The following SH3BGR variants were observed in gnomAD, a reference collection of about 807,000 sequenced individuals.
SH3BGR encodes SH3 domain-binding glutamic acid-rich protein.
In SH3BGR, 29 loss-of-function variants were observed where a neutral mutation model predicts 24.5. That is an observed-to-expected ratio of 1.18 (90% CI 0.88 to 1.61). The LOEUF is 1.61. Among genes scored for constraint, SH3BGR ranks in the 40% most tolerant of loss-of-function variants. The pLI, the probability that SH3BGR is intolerant of heterozygous loss-of-function variation, is 0.00. For synonymous variants in SH3BGR, 55 were observed against 65.7 expected (o/e 0.84, Z 0.79); for missense variants, 162 against 205.8 (o/e 0.79, Z 1.30).
At chr21:39,456,827 G>C (rs1046555542) in intron 1 of SH3BGR, among the ~76,000 whole-genome samples, 22 of 152,058 alleles carry the variant, frequency 1.4e-4, no homozygotes, top group Non-Finnish European at 2.9e-4. Flanking sequence ...CAGTACCTTT[G>C]TTGGCCTGAG....
intron 3 of SH3BGR, among the ~76,000 whole-genome samples, chr21:39,496,356 C>T (rs113907037): frequency 0.011 from 1,703 of 151,662 alleles, 14 homozygotes; most frequent in Non-Finnish European, 0.017. Flanking sequence ...AAAAATTAGC[C>T]GGGTGCGGTG....
chr21:39,450,396 G>A (rs1287800775), upstream of SH3BGR, among the ~76,000 whole-genome samples: 2 of 152,162 alleles, frequency 1.3e-5, no homozygotes, highest in African/African-American at 2.4e-5. Flanking sequence ...GCATTTAAGC[G>A]ATATTCCAGG....
chr21:39,499,764 G>GTTTTTTTTTTTTTTTT, intron 3 of SH3BGR, 59 bp from the exon 4 acceptor site: 1 of 1,041,764 alleles, frequency 9.6e-7, no homozygotes. Context: ...TATGTGGCCT[G>GTTTTTTTTTTTTTTTT]TTTTTTTTTT....
intron 3 of SH3BGR, among the ~76,000 whole-genome samples, chr21:39,493,521 T>A (rs1454213232): frequency 6.6e-6 from 1 of 152,226 alleles, no homozygotes; most frequent in Non-Finnish European, 1.5e-5. Flanking sequence ...ACTATGGCCT[T>A]ATACTATAGT....
rs2078463442 is a variant in SH3BGR, at chr21:39,499,825, A to C, written c.315A>C (p.Gly105=). Residue 105 remains glycine (G), a splice_region_variant and synonymous_variant, in exon 4 of 7, where the codon GGA becomes GGC. Coordinates refer to ENST00000333634, the MANE Select transcript of SH3BGR (RefSeq NM_007341.3). The part of the protein sequence containing the change: ...LGLAPPPDSK[G]SEKAEEGGET... Reference sequence around the variant, plus strand: ...TCCTGGGTTTCCTTTATGACCAGGGATCAGAGAAGGCTGAAGAAGGTGGAG... The same window carrying C: ...TCCTGGGTTTCCTTTATGACCAGGGCTCAGAGAAGGCTGAAGAAGGTGGAG... 1 of 1,611,200 alleles carries C rather than the reference A, an allele frequency of 6.2e-7. No homozygotes were observed. The highest frequency in any genetic ancestry group is 1.3e-5 in the African/African-American group (1 of 74,460).
At chr21:39,473,907 A>G (rs973947112) in intron 2 of SH3BGR, among the ~76,000 whole-genome samples, 1 of 151,546 alleles carries the variant, frequency 6.6e-6, no homozygotes, top group African/African-American at 2.4e-5. Flanking sequence ...AAAAAACAGT[A>G]ACACACAGGA....
At chr21:39,505,632 G>A (rs903813229) in intron 4 of SH3BGR, among the ~76,000 whole-genome samples, 10 of 152,152 alleles carry the variant, frequency 6.6e-5, no homozygotes, top group African/African-American at 2.4e-4. Context: ...GGGTGTGGTA[G>A]CGGGTGCCTG....
chr21:39,510,399 A>G (rs2078661931), intron 5 of SH3BGR, among the ~76,000 whole-genome samples: 5 of 44,470 alleles, frequency 1.1e-4, no homozygotes, highest in African/African-American at 4.0e-4. Flanking sequence ...CACTGTAGCT[A>G]CACACACACA....
chr21:39,511,707 G>T lies in SH3BGR; in HGVS notation c.463G>T (p.Glu155Ter). ...GGAAGAAATAGCCATGGAGGGTGCG[G>T]AAGGGGAAGCCGAGGAGGAGGAAGA... ...ETEEIAMEGA[E>*]GEAEEEEETA... The change falls in exon 6 of 7, where the codon GAA (glutamate) becomes TAA (stop). Residue 155 changes from glutamate to a stop codon, truncating the protein, a stop_gained. Transcript: ENST00000333634. LOFTEE classifies it high-confidence loss of function. This position sits in a 1 kb window ranked among gnomAD's most constrained non-coding sequence, Gnocchi z 4.2. 6.2e-7 allele frequency: 1 copy of T among 1,609,610 alleles called. No homozygotes were observed. Among genetic ancestry groups the T allele is most frequent in the Non-Finnish European group, 8.5e-7 (1 of 1,178,900 alleles).
At chr21:39,461,809 G>A (rs907694889) in intron 1 of SH3BGR, among the ~76,000 whole-genome samples, 5 of 151,966 alleles carry the variant, frequency 3.3e-5, no homozygotes, top group Admixed American at 6.6e-5. Context: ...CCCAAATTTA[G>A]TTTTAACAGT....
Position 39,511,484 on chromosome 21 carries a change from G to T in SH3BGR, c.436-196G>T, listed in dbSNP as rs1043787773. Among the ~76,000 whole-genome samples the T allele has an allele frequency of 1.3e-5, 2 of 150,290 alleles. No homozygotes were observed. Among genetic ancestry groups the T allele is most frequent in the African/African-American group, 4.9e-5 (2 of 40,786 alleles). ...GTGTGTGTGTGTTTGGGCGGTATGT[G>T]TGTGGGGTGTGTGTGTGGCATGTGT... On this transcript the variant is annotated intron_variant, in intron 5 of 6. Transcript: ENST00000333634. This position sits in a 1 kb window ranked among gnomAD's most constrained non-coding sequence, Gnocchi z 4.2.
At chr21:39,490,874 A>G (rs1170932759) in intron 3 of SH3BGR, among the ~76,000 whole-genome samples, 1 of 152,010 alleles carries the variant, frequency 6.6e-6, no homozygotes, top group Non-Finnish European at 1.5e-5. Flanking sequence ...CTGGGACTAC[A>G]GGCATGCACC....
At chr21:39,460,520 C>T (rs34145284) in intron 1 of SH3BGR, among the ~76,000 whole-genome samples, 19,642 of 151,978 alleles carry the variant, frequency 0.13, 1,663 homozygotes, top group South Asian at 0.17. Context: ...CTCACTCTGT[C>T]GCCCAGGCTG....
At chr21:39,456,950 T>C (rs1045040990) in intron 1 of SH3BGR, among the ~76,000 whole-genome samples, 2 of 150,338 alleles carry the variant, frequency 1.3e-5, no homozygotes, top group African/African-American at 4.9e-5. Context: ...GTTAATTAAA[T>C]TAAATGCGTG....
At position 39,511,836 on chromosome 21, in the gene SH3BGR, A is replaced by G; in HGVS notation, c.*34+27A>G. 1 of 1,583,496 alleles carries G rather than the reference A, an allele frequency of 6.3e-7. No homozygotes were observed. Among genetic ancestry groups the G allele is most frequent in the Non-Finnish European group, 8.6e-7 (1 of 1,168,570 alleles). ...TAGCTACAGGATTCTGGGGTGGAAA[A>G]GCTGCTAGTTACCGTACTGTATGCT... On this transcript the variant is annotated intron_variant, in intron 6 of 6. Transcript: ENST00000333634. This position sits in a 1 kb window ranked among gnomAD's most constrained non-coding sequence, Gnocchi z 4.2.
intron 3 of SH3BGR, among the ~76,000 whole-genome samples, chr21:39,495,288 C>G (rs1323858865): frequency 1.3e-5 from 2 of 151,942 alleles, no homozygotes; most frequent in African/African-American, 2.4e-5. Flanking sequence ...CATAGTGAGT[C>G]TTGTGTTGTG....
chr21:39,501,274 T>C (rs904670261), intron 4 of SH3BGR, among the ~76,000 whole-genome samples: 2 of 152,136 alleles, frequency 1.3e-5, no homozygotes, highest in Non-Finnish European at 2.9e-5. Context: ...AGCAGGAAGG[T>C]AGCATATTTA....
chr21:39,501,373 A>G (rs1325799031), intron 4 of SH3BGR, among the ~76,000 whole-genome samples: 1 of 152,180 alleles, frequency 6.6e-6, no homozygotes, highest in East Asian at 1.9e-4. Context: ...GTGATGAATC[A>G]CCCAGCTTGG....
At chr21:39,471,949 T>C (rs1424532716) in intron 2 of SH3BGR, among the ~76,000 whole-genome samples, 3 of 152,354 alleles carry the variant, frequency 2.0e-5, no homozygotes, top group East Asian at 3.8e-4. Flanking sequence ...AGTTTCTCTT[T>C]TATTTCACTA....
Sources: allele counts gnomAD v4.1 joint callset (sites outside exome capture counted in the v4.1 genomes callset), GRCh38; gene constraint gnomAD v4.1.1; non-coding constraint Gnocchi (gnomAD v3.1); transcripts MANE v1.5; gene names NCBI Gene and HGNC (gene_info 2026-07-23, HGNC 2026-07-21).